GRID2: variants seen among roughly 807,000 people sequenced by gnomAD.
The protein encoded by GRID2 is glutamate receptor ionotropic, delta-2.
In GRID2, 33 loss-of-function variants were observed where a neutral mutation model predicts 114.8. The ratio of observed to expected loss-of-function variants is 0.29; its 90% CI spans 0.22 to 0.38. The LOEUF is 0.38. GRID2 is among the 10% of genes least tolerant of loss of function. GRID2 has a pLI of 1.00. For synonymous variants in GRID2, 505 were observed against 449.9 expected (o/e 1.12, Z -1.55); for missense variants, 1,184 against 1,257.7 (o/e 0.94, Z 0.89).
At chr4:92,999,327 A>G (rs541673668) in intron 2 of GRID2, among the ~76,000 whole-genome samples, 1 of 151,916 alleles carries the variant, frequency 6.6e-6, no homozygotes, top group East Asian at 1.9e-4. Context: ...TTACAAAGTA[A>G]AGTAACCAAT....
intron 2 of GRID2, among the ~76,000 whole-genome samples, chr4:92,853,777 G>T (rs922606123): frequency 6.6e-6 from 1 of 151,950 alleles, no homozygotes; most frequent in African/African-American, 2.4e-5. Flanking sequence ...ACTTGTAACT[G>T]GGAGCTAAAC....
At chr4:92,677,941 T>C (rs1733459816) in intron 2 of GRID2, among the ~76,000 whole-genome samples, 1 of 152,132 alleles carries the variant, frequency 6.6e-6, no homozygotes, top group Admixed American at 6.5e-5. Context: ...ATTCCCTTTC[T>C]ACTTTTAATG....
chr4:93,217,375 C>T (rs1022766198), intron 6 of GRID2: 5 of 153,624 alleles, frequency 3.3e-5, no homozygotes, highest in African/African-American at 9.7e-5. Context: ...TGGTCATATC[C>T]AACTCCGAGA....
intron 2 of GRID2, among the ~76,000 whole-genome samples, chr4:92,918,789 G>A (rs1014232995): frequency 6.6e-6 from 1 of 152,060 alleles, no homozygotes; most frequent in African/African-American, 2.4e-5. Flanking sequence ...TGATGTTCAT[G>A]AGGGATATTG....
intron 2 of GRID2, among the ~76,000 whole-genome samples, chr4:92,801,682 G>A (rs1326836888): frequency 2.6e-5 from 4 of 151,904 alleles, no homozygotes; most frequent in Admixed American, 2.6e-4. Context: ...ATAAGCAAAA[G>A]TAATATAAGC....
intron 12 of GRID2, among the ~76,000 whole-genome samples, chr4:93,497,644 CAA>C (rs552978382): frequency 1.4e-5 from 2 of 144,380 alleles, no homozygotes; most frequent in South Asian, 4.4e-4. Flanking sequence ...CACCTTTGTA[CAA>C]AAAAAAAAAT....
chr4:92,912,861 G>T (rs552810623), intron 2 of GRID2, among the ~76,000 whole-genome samples: 1 of 151,812 alleles, frequency 6.6e-6, no homozygotes, highest in East Asian at 1.9e-4. Context: ...CACATAACTT[G>T]GTGGGAATCA....
At chr4:93,368,692 G>T (rs1002819768) in intron 8 of GRID2, among the ~76,000 whole-genome samples, 3 of 152,054 alleles carry the variant, frequency 2.0e-5, no homozygotes, top group Admixed American at 2.0e-4. Context: ...CTAATGAAAA[G>T]CTAGTCAGCA....
chr4:93,564,051 C>T (rs1424157556), intron 13 of GRID2, among the ~76,000 whole-genome samples: 4 of 151,720 alleles, frequency 2.6e-5, no homozygotes, highest in Non-Finnish European at 5.9e-5. Flanking sequence ...TAAAATTTTA[C>T]AGTGGAAAAT....
chr4:92,789,608 A>T (rs1387962623), intron 2 of GRID2, among the ~76,000 whole-genome samples: 1 of 151,808 alleles, frequency 6.6e-6, no homozygotes, highest in Non-Finnish European at 1.5e-5. Context: ...GTTATTTCTA[A>T]AATGTGTATT....
intron 14 of GRID2, among the ~76,000 whole-genome samples, chr4:93,680,414 C>T (rs1339696533): frequency 1.3e-5 from 2 of 151,720 alleles, no homozygotes; most frequent in Admixed American, 6.6e-5. Context: ...GGGAATCCTC[C>T]CTAACTCATT....
intron 1 of GRID2, among the ~76,000 whole-genome samples, chr4:92,377,576 T>C (rs1468483233): frequency 6.6e-6 from 1 of 152,158 alleles, no homozygotes; most frequent in Non-Finnish European, 1.5e-5. Flanking sequence ...ACTCTACTCA[T>C]AGCAATTTAC....
intron 1 of GRID2, among the ~76,000 whole-genome samples, chr4:92,443,398 G>A (rs1181648206): frequency 6.6e-6 from 1 of 151,960 alleles, no homozygotes; most frequent in African/African-American, 2.4e-5. Flanking sequence ...GAGAACACAG[G>A]CCAAGGGAGT....
chr4:92,898,000 A>ATCT (rs1174209835), intron 2 of GRID2, among the ~76,000 whole-genome samples: 1 of 152,168 alleles, frequency 6.6e-6, no homozygotes, highest in East Asian at 1.9e-4. Flanking sequence ...TCTTCTTTAC[A>ATCT]TTTTAATTTT....
At chr4:93,127,778 A>G (rs1734409930) in intron 4 of GRID2, among the ~76,000 whole-genome samples, 1 of 151,912 alleles carries the variant, frequency 6.6e-6, no homozygotes, top group South Asian at 2.1e-4. Context: ...AGGAGGATCA[A>G]TTGAGGTTGG....
chr4:93,810,444 C>G (rs1735110066), downstream of GRID2, among the ~76,000 whole-genome samples: 1 of 152,070 alleles, frequency 6.6e-6, no homozygotes, highest in Non-Finnish European at 1.5e-5. Context: ...GTAATAAAAA[C>G]AAATTACTTT....
intron 8 of GRID2, among the ~76,000 whole-genome samples, chr4:93,372,566 C>T (rs749271078): frequency 5.4e-4 from 82 of 152,072 alleles, no homozygotes; most frequent in African/African-American, 8.2e-4. Flanking sequence ...TTTGTTTTTA[C>T]GATCCCTGGG....
intron 11 of GRID2, among the ~76,000 whole-genome samples, chr4:93,464,199 T>C (rs1226308161): frequency 6.6e-6 from 1 of 152,130 alleles, no homozygotes; most frequent in Admixed American, 6.5e-5. Flanking sequence ...GGAAAGCAGG[T>C]GGTGGTAGAG....
In GRID2 at chr4:93,531,386, T is replaced by C. The variant is rs149998209; in HGVS notation, c.2193+15975T>C. Among the ~76,000 whole-genome samples, 52 of 152,320 alleles carry C rather than the reference T, an allele frequency of 3.4e-4. 1 individual carries two copies. In the East Asian group the frequency reaches 0.01, roughly 29 times the overall value. ...TTATAATGGATTTTTGCATGAATTT[T>C]GTTCTTTTCTTAAAATATTGCATAG... On this transcript the variant is annotated intron_variant, in intron 13 of 15. Coordinates refer to ENST00000282020, the MANE Select transcript of GRID2 (RefSeq NM_001510.4).
Sources: gnomAD v4.1 joint callset for allele counts (sites outside exome capture counted in the v4.1 genomes callset) on GRCh38, gnomAD v4.1.1 for gene constraint, MANE v1.5 for transcripts, NCBI Gene and HGNC (gene_info 2026-07-23, HGNC 2026-07-21) for gene names.